MECOM: variants seen among roughly 807,000 people sequenced by gnomAD.
MECOM encodes MDS1 and EVI1 complex locus.
In MECOM, 13 loss-of-function variants were observed where a neutral mutation model predicts 116.3. The ratio of observed to expected loss-of-function variants is 0.11; its 90% CI spans 0.07 to 0.18. The LOEUF (loss-of-function observed/expected upper bound fraction) is 0.18, where lower values mean the gene tolerates loss of function less well. Ranked by LOEUF, MECOM falls within the 10% of genes least tolerant of loss-of-function variation. The pLI is 1.00. For synonymous variants in MECOM, 528 were observed against 535.2 expected (o/e 0.99, Z 0.19); for missense variants, 1,299 against 1,509.0 (o/e 0.86, Z 2.31).
chr3:169,139,544 T>C (rs1248557099), intron 3 of MECOM, among the ~76,000 whole-genome samples: 9 of 152,098 alleles, frequency 5.9e-5, no homozygotes, highest in African/African-American at 2.2e-4. Flanking sequence ...TTGTATTAAT[T>C]GTAAGTGGAA....
Position 169,545,077 on chromosome 3 carries a change from T to C in MECOM, c.37+118259A>G, listed in dbSNP as rs1305703963. Among the ~76,000 whole-genome samples, 7 of 152,300 alleles carry C rather than the reference T, an allele frequency of 4.6e-5. No individual in the cohort carries two copies. In the East Asian group the frequency reaches 1.4e-3, roughly 29 times the overall value. ...TTTAATTAAAAAAAAGAAAATGGTA[T>C]ACGTGTTCCCAGGTTAAGGTAAGAT... On this transcript the variant is annotated intron_variant, in intron 1 of 16. Transcript: ENST00000651503.
chr3:169,627,443 T>C (rs1357178403), intron 1 of MECOM, among the ~76,000 whole-genome samples: 1 of 152,248 alleles, frequency 6.6e-6, no homozygotes, highest in African/African-American at 2.4e-5. Context: ...GAAATACACA[T>C]TGGCATCAGC....
chr3:169,588,899 T>G (rs150199595), intron 1 of MECOM, among the ~76,000 whole-genome samples: 1 of 152,184 alleles, frequency 6.6e-6, no homozygotes, highest in African/African-American at 2.4e-5. Context: ...AATATGAAAA[T>G]GTACTACATC....
intron 1 of MECOM, among the ~76,000 whole-genome samples, chr3:169,655,777 C>G (rs1775471154): frequency 6.6e-6 from 1 of 151,816 alleles, no homozygotes; most frequent in African/African-American, 2.4e-5. Flanking sequence ...AAACATTAAA[C>G]AGGAGGGGAA....
intron 1 of MECOM, among the ~76,000 whole-genome samples, chr3:169,536,588 C>T (rs1759393002): frequency 6.6e-6 from 1 of 151,932 alleles, no homozygotes; most frequent in South Asian, 2.1e-4. Context: ...ATTAGTGGAG[C>T]TAGAGTTCTG....
chr3:169,089,855 T>C, intron 15 of MECOM, 145 bp downstream of exon 15: 1 of 1,310,952 alleles, frequency 7.6e-7, no homozygotes, highest in Non-Finnish European at 1.0e-6. Context: ...TTTTCATCTA[T>C]TTAAATCTGA....
intron 2 of MECOM, among the ~76,000 whole-genome samples, chr3:169,236,113 T>G (rs1308329682): frequency 1.3e-5 from 2 of 152,170 alleles, no homozygotes; most frequent in African/African-American, 4.8e-5. Context: ...CCAGATGATT[T>G]TGTCCAACTG....
rs1303071973 is a variant in MECOM, at chr3:169,274,459, T to C, written c.375+106728A>G. On this transcript the variant is annotated intron_variant, in intron 2 of 16. Coordinates refer to ENST00000651503, the MANE Select transcript of MECOM (RefSeq NM_004991.4). The stretch of plus-strand genomic sequence containing the variant: ...TTGCCAAAAATACCTACTAGCTGAA[T>C]GTAGCACAGGGGTTGAGCAGGAAGA... Among the ~76,000 whole-genome samples, 4 of 152,170 alleles carry C rather than the reference T, an allele frequency of 2.6e-5. No individual in the cohort carries two copies. The East Asian group carries it at 7.7e-4, about 29-fold the overall frequency.
intron 1 of MECOM, among the ~76,000 whole-genome samples, chr3:169,462,766 T>C (rs1747669498): frequency 6.6e-6 from 1 of 152,202 alleles, no homozygotes; most frequent in African/African-American, 2.4e-5. Flanking sequence ...GTAGTCTTTA[T>C]TTGTAAATGT....
chr3:169,302,296 T>C (rs1464905685), intron 2 of MECOM, among the ~76,000 whole-genome samples: 3 of 152,164 alleles, frequency 2.0e-5, no homozygotes, highest in Non-Finnish European at 4.4e-5. Flanking sequence ...TTGGACACAG[T>C]GCCAATGCTC....
At chr3:169,371,514 T>TACACACACACACACACACACAC (rs35247420) in intron 2 of MECOM, among the ~76,000 whole-genome samples, 1 of 149,450 alleles carries the variant, frequency 6.7e-6, no homozygotes, top group African/African-American at 2.5e-5. Context: ...GTATTTTCAC[T>TACACACACACACACACACACAC]ACACACACAC....
At chr3:169,290,028 A>G (rs994970492) in intron 2 of MECOM, among the ~76,000 whole-genome samples, 3 of 152,140 alleles carry the variant, frequency 2.0e-5, no homozygotes, top group Admixed American at 6.6e-5. Context: ...GAAAGGTTCT[A>G]TGCTTAGACT....
At position 169,651,715 on chromosome 3, in the gene MECOM, T is replaced by C. The variant is rs183495780; in HGVS notation, c.37+11621A>G. Among the ~76,000 whole-genome samples, 490 of 152,120 alleles carry C rather than the reference T, an allele frequency of 3.2e-3. 1 individual carries two copies. The highest frequency in any genetic ancestry group is 6.8e-3 in the Middle Eastern group (2 of 294). Reference sequence around the variant, plus strand: ...CTCAGATGATGGGTGCACCAAAATCTCACAAATCACCACTAAAAAATTTAC... The same window carrying C: ...CTCAGATGATGGGTGCACCAAAATCCCACAAATCACCACTAAAAAATTTAC... On this transcript the variant is annotated intron_variant, in intron 1 of 16. Coordinates refer to ENST00000651503, the MANE Select transcript of MECOM (RefSeq NM_004991.4).
At chr3:169,195,614 G>A (rs1049254306) in intron 2 of MECOM, among the ~76,000 whole-genome samples, 3 of 152,020 alleles carry the variant, frequency 2.0e-5, no homozygotes, top group Non-Finnish European at 4.4e-5. Context: ...TTAATTGTAT[G>A]AATTCAGGTA....
intron 2 of MECOM, among the ~76,000 whole-genome samples, chr3:169,313,592 A>G (rs1188066389): frequency 6.6e-6 from 1 of 152,190 alleles, no homozygotes; most frequent in Admixed American, 6.5e-5. Flanking sequence ...GCAGAATAAG[A>G]GGGGACAGAT....
At chr3:169,572,640 A>G (rs543243100) in intron 1 of MECOM, among the ~76,000 whole-genome samples, 1 of 152,340 alleles carries the variant, frequency 6.6e-6, no homozygotes, top group South Asian at 2.1e-4. Flanking sequence ...GCACATGTAC[A>G]CCAGGGAATA....
chr3:169,147,468 A>T (rs1457886893), intron 2 of MECOM: 2 of 985,478 alleles, frequency 2.0e-6, no homozygotes, highest in Non-Finnish European at 2.4e-6. Context: ...GCCCAGAGTG[A>T]TCTGATCGGA....
chr3:169,315,589 T>C (rs1719593679), intron 2 of MECOM, among the ~76,000 whole-genome samples: 1 of 152,076 alleles, frequency 6.6e-6, no homozygotes, highest in Non-Finnish European at 1.5e-5. Context: ...TTTCTGGGAG[T>C]GTATGTAACA....
intron 2 of MECOM, among the ~76,000 whole-genome samples, chr3:169,378,386 C>CAGGA (rs1731431640): frequency 1.7e-5 from 1 of 59,182 alleles, no homozygotes; most frequent in African/African-American, 5.9e-5. Context: ...GGAAGGAAGA[C>CAGGA]AAGAAAGAAA....
Sources: allele counts gnomAD v4.1 joint callset (sites outside exome capture counted in the v4.1 genomes callset), GRCh38; gene constraint gnomAD v4.1.1; transcripts MANE v1.5; gene names NCBI Gene and HGNC (gene_info 2026-07-23, HGNC 2026-07-21).